Variants in KDM6A observed in about 807,000 individuals in gnomAD.
The protein encoded by KDM6A is lysine-specific demethylase 6A.
A neutral mutation model predicts 117.6 loss-of-function variants in KDM6A; 11 were observed. The observed-to-expected ratio is 0.09, with a 90% CI of 0.06 to 0.15. KDM6A has a LOEUF of 0.15. KDM6A is among the 10% of genes least tolerant of loss of function. The probability of loss-of-function intolerance (pLI) is 1.00; values close to 1 mark genes in which losing one functional copy is unlikely to be tolerated. For synonymous variants in KDM6A, 384 were observed against 396.1 expected, an observed-to-expected ratio of 0.97 and a Z score of 0.36; for missense variants, 799 against 1,077.3, an observed-to-expected ratio of 0.74 and a Z score of 3.62.
intron 15 of KDM6A, 55 bp from the exon 16 acceptor site, chrX:45,062,592 G>T: frequency 1.1e-6 from 1 of 919,417 alleles, no homozygotes; most frequent in South Asian, 2.0e-5. Flanking sequence ...TTAGAATAAT[G>T]ATCTTATTTC....
intron 2 of KDM6A, among the ~76,000 whole-genome samples, chrX:44,920,547 T>G (rs2035857894): frequency 9.1e-6 from 1 of 110,178 alleles, no homozygotes. Flanking sequence ...CACGCCATTC[T>G]CCTGCCTCAG....
chrX:45,011,352 T>C, intron 5 of KDM6A, among the ~76,000 whole-genome samples: 1 of 111,305 alleles, frequency 9.0e-6, no homozygotes, highest in East Asian at 2.8e-4. Context: ...CACTGTGATC[T>C]CAGAAGTCAA....
At chrX:44,994,298 A>G (rs1384546742) in intron 4 of KDM6A, among the ~76,000 whole-genome samples, 1 of 111,047 alleles carries the variant, frequency 9.0e-6, no homozygotes, top group Non-Finnish European at 1.9e-5. Context: ...CTTTACTCCT[A>G]TGAGATAGAT....
intron 8 of KDM6A, among the ~76,000 whole-genome samples, chrX:45,043,683 A>G (rs754899208): frequency 3.6e-5 from 4 of 110,959 alleles, no homozygotes; most frequent in Non-Finnish European, 7.6e-5. Flanking sequence ...TGGCTGAGGC[A>G]GGAGAATCGC....
intron 5 of KDM6A, among the ~76,000 whole-genome samples, chrX:45,012,111 C>T (rs1430815772): frequency 1.8e-5 from 2 of 109,651 alleles, no homozygotes; most frequent in Non-Finnish European, 3.8e-5. Flanking sequence ...AAAAACAAAA[C>T]TACATAGCAG....
At chrX:44,951,704 G>C (rs2038017521) in intron 2 of KDM6A, among the ~76,000 whole-genome samples, 1 of 110,606 alleles carries the variant, frequency 9.0e-6, no homozygotes. Context: ...TGGGGAGGAG[G>C]AGCTAGTGTG....
chrX:45,011,462 A>G (rs1217305100), intron 5 of KDM6A, among the ~76,000 whole-genome samples: 1 of 111,731 alleles, frequency 9.0e-6, no homozygotes, highest in African/African-American at 3.3e-5. Flanking sequence ...TCCAATATCC[A>G]GTAACTAGGC....
At chrX:45,040,502 C>T (rs1421976162) in intron 8 of KDM6A, among the ~76,000 whole-genome samples, 1 of 79,153 alleles carries the variant, frequency 1.3e-5, no homozygotes, top group African/African-American at 4.8e-5. Flanking sequence ...GGGGGCTGAC[C>T]CCCCCACCTC....
chrX:44,978,623 T>C (rs765304558), intron 4 of KDM6A, among the ~76,000 whole-genome samples: 5 of 112,264 alleles, frequency 4.5e-5, no homozygotes, highest in Non-Finnish European at 7.5e-5. Context: ...TTTAGCATTA[T>C]TTTAAGCATT....
At chrX:44,899,596 C>T (rs1357947416) in intron 2 of KDM6A, among the ~76,000 whole-genome samples, 1 of 110,129 alleles carries the variant, frequency 9.1e-6, no homozygotes, top group Non-Finnish European at 1.9e-5. Flanking sequence ...AAGCAGCATC[C>T]TGTCTTGGAA....
At chrX:44,951,307 A>C (rs1461130455) in intron 2 of KDM6A, among the ~76,000 whole-genome samples, 1 of 112,008 alleles carries the variant, frequency 8.9e-6, no homozygotes, top group Non-Finnish European at 1.9e-5. Context: ...TCAGCAACAC[A>C]AGGTAAACTA....
intron 2 of KDM6A, among the ~76,000 whole-genome samples, chrX:44,924,648 G>GGGGTGT (rs766874049): frequency 1.1e-4 from 10 of 90,456 alleles, no homozygotes; most frequent in South Asian, 6.1e-4. Flanking sequence ...GGTGGTCCTG[G>GGGGTGT]GTGTGTGTGT....
chrX:45,075,122 TTC>T (rs1388730122), intron 18 of KDM6A, among the ~76,000 whole-genome samples: 4 of 112,015 alleles, frequency 3.6e-5, no homozygotes, highest in Non-Finnish European at 7.5e-5. Flanking sequence ...AGTTTCTGTA[TTC>T]TGAGTCATAT....
At chrX:45,051,345 A>G (rs1014668972) in intron 8 of KDM6A, among the ~76,000 whole-genome samples, 1 of 111,984 alleles carries the variant, frequency 8.9e-6, no homozygotes, top group Non-Finnish European at 1.9e-5. Context: ...TTGGGAGCTC[A>G]GTGTTTCTAG....
At chrX:44,944,459 C>T (rs1265415476) in intron 2 of KDM6A, among the ~76,000 whole-genome samples, 1 of 111,697 alleles carries the variant, frequency 9.0e-6, no homozygotes, top group African/African-American at 3.3e-5. Flanking sequence ...CAAAAAAATC[C>T]TGCTGGAATT....
intron 14 of KDM6A, 114 bp downstream of exon 14, chrX:45,060,878 A>T (rs2044260512): frequency 2.3e-6 from 1 of 437,693 alleles, no homozygotes; most frequent in African/African-American, 2.6e-5. Flanking sequence ...GACATCAAAG[A>T]GTGAAAGGTT....
intron 7 of KDM6A, among the ~76,000 whole-genome samples, chrX:45,037,220 T>C (rs984229313): frequency 8.9e-6 from 1 of 112,563 alleles, no homozygotes; most frequent in African/African-American, 3.2e-5. Flanking sequence ...ATTTGTACTT[T>C]GGTTTTAATA....
In KDM6A at chrX:44,976,320, A is replaced by G. The variant is rs187200321; in HGVS notation, c.384+1605A>G. 1.6e-4 allele frequency among the ~76,000 whole-genome samples: 18 copies of G among 111,504 alleles called. No individual in the cohort carries two copies. In the East Asian group the frequency reaches 5.1e-3, roughly 31 times the overall value. ...TTGTGGCTGGCTTCTTTAACTTAGC[A>G]TATGTTTTCAAGGTTCATATATGTT... On this transcript the variant is annotated intron_variant, in intron 4 of 29. Transcript: ENST00000611820.
At chrX:45,005,951 T>C (rs1602541966) in intron 4 of KDM6A, among the ~76,000 whole-genome samples, 1 of 53,779 alleles carries the variant, frequency 1.9e-5, no homozygotes, top group African/African-American at 1.0e-4. Flanking sequence ...GTACTTCACC[T>C]CACCCCCCCA....
Sources: allele counts gnomAD v4.1 joint callset (sites outside exome capture counted in the v4.1 genomes callset), GRCh38; gene constraint gnomAD v4.1.1; transcripts MANE v1.5; gene names NCBI Gene and HGNC (gene_info 2026-07-23, HGNC 2026-07-21).